Variants in CENPC observed in about 807,000 individuals in gnomAD.
CENPC encodes CENP-C 1.
A neutral mutation model predicts 112.1 loss-of-function variants in CENPC; 63 were observed. The ratio of observed to expected loss-of-function variants is 0.56; its 90% CI spans 0.46 to 0.69. The LOEUF (loss-of-function observed/expected upper bound fraction) is 0.69, where lower values mean the gene tolerates loss of function less well. Ranked by LOEUF, CENPC falls within the 30% of genes least tolerant of loss-of-function variation. The pLI is 0.00. For missense variants in CENPC, 1,000 were observed against 1,103.8 expected (o/e 0.91, Z 1.33); for synonymous variants, 333 against 367.6 (o/e 0.91, Z 1.08).
intron 13 of CENPC, 24 bp from the exon 14 acceptor site, chr4:67,494,012 G>T: frequency 6.7e-7 from 1 of 1,496,812 alleles, no homozygotes; most frequent in Non-Finnish European, 9.2e-7. Flanking sequence ...TCAGACAAAA[G>T]TGTATACATA....
chr4:67,482,012 T>C (rs1029705570), intron 17 of CENPC, among the ~76,000 whole-genome samples: 3 of 152,094 alleles, frequency 2.0e-5, no homozygotes, highest in African/African-American at 7.2e-5. Flanking sequence ...TCACAAACTG[T>C]CTGTGCAACA....
intron 17 of CENPC, among the ~76,000 whole-genome samples, chr4:67,475,313 GGCCATAT>G (rs1724773805): frequency 6.6e-6 from 1 of 152,320 alleles, no homozygotes; most frequent in South Asian, 2.1e-4. Context: ...AAAGATGTGG[GGCCATAT>G]GCCAAGAAAC....
intron 16 of CENPC, among the ~76,000 whole-genome samples, chr4:67,490,883 T>TATATATAGAAATATAG (rs1725240856): frequency 1.2e-4 from 1 of 8,432 alleles, no homozygotes; most frequent in Admixed American, 2.6e-3. Flanking sequence ...TATATAGAAA[T>TATATATAGAAATATAG]ATATAGAAAT....
intron 7 of CENPC, among the ~76,000 whole-genome samples, chr4:67,517,441 C>T (rs1246678941): frequency 1.3e-5 from 2 of 151,676 alleles, no homozygotes; most frequent in African/African-American, 2.4e-5. Context: ...GCATTACAGA[C>T]ATGAGCCACC....
chr4:67,514,986 ATAACTCAGATACAT>A (rs1726018161), intron 7 of CENPC, among the ~76,000 whole-genome samples: 1 of 147,922 alleles, frequency 6.8e-6, no homozygotes, highest in Non-Finnish European at 1.5e-5. Context: ...AGATATAATT[ATAACTCAGATACAT>A]TGACTCACAG....
intron 4 of CENPC, among the ~76,000 whole-genome samples, chr4:67,536,691 A>G (rs182618599): frequency 1.9e-3 from 283 of 152,096 alleles, no homozygotes; most frequent in African/African-American, 6.6e-3. Context: ...ACACCTACAA[A>G]GTCTCTGTTG....
In CENPC at chr4:67,544,211, A is replaced by G; in HGVS notation, c.19-16T>C. On this transcript the variant is annotated splice_polypyrimidine_tract_variant and intron_variant, in intron 1 of 18. Transcript: ENST00000273853. ...TGAGATGATCCTGAAAGAAAAGTAA[A>G]TCATCAATTTGGTTTCTTTAAGATA... 3 of 1,499,604 alleles carry G rather than the reference A, an allele frequency of 2.0e-6. No homozygotes were observed. The highest frequency in any genetic ancestry group is 2.8e-6 in the Non-Finnish European group (3 of 1,079,134). The allele number at this position is 1,499,604 out of a possible 1,614,324, so 92.9% of individuals were successfully genotyped here. A position where few individuals can be genotyped will look rare whatever the true frequency, so the allele number is the denominator to read the frequency against.
chr4:67,499,697 A>G (rs1245740146), intron 12 of CENPC, among the ~76,000 whole-genome samples: 1 of 152,174 alleles, frequency 6.6e-6, no homozygotes, highest in East Asian at 1.9e-4. Context: ...CTGTAGTAGC[A>G]CTTTTCTTTT....
intron 4 of CENPC, among the ~76,000 whole-genome samples, chr4:67,531,692 G>A (rs1323676422): frequency 6.6e-6 from 1 of 152,154 alleles, no homozygotes; most frequent in Non-Finnish European, 1.5e-5. Flanking sequence ...ACACGTTACT[G>A]CATTTCACTG....
At chr4:67,487,409 T>G (rs952851001) in intron 17 of CENPC, among the ~76,000 whole-genome samples, 5 of 151,638 alleles carry the variant, frequency 3.3e-5, no homozygotes, top group African/African-American at 1.2e-4. Flanking sequence ...AATACTCAAG[T>G]TTCATATCCT....
intron 5 of CENPC, among the ~76,000 whole-genome samples, chr4:67,530,600 A>G (rs1726518251): frequency 1.3e-5 from 2 of 152,184 alleles, no homozygotes; most frequent in Admixed American, 6.5e-5. Flanking sequence ...AAGTAGTAGC[A>G]TGTATCACTG....
intron 11 of CENPC, 120 bp from the exon 12 acceptor site, chr4:67,505,404 T>C: frequency 1.6e-6 from 1 of 645,044 alleles, no homozygotes; most frequent in Non-Finnish European, 2.7e-6. Context: ...AAACCAATAG[T>C]GATGTTACAA....
At chr4:67,520,667 A>G (rs1254644822) in intron 5 of CENPC, among the ~76,000 whole-genome samples, 5 of 152,160 alleles carry the variant, frequency 3.3e-5, no homozygotes, top group Non-Finnish European at 7.4e-5. Flanking sequence ...AGAACAAAAT[A>G]CCACTATTAC....
At chr4:67,504,544 G>A (rs922055068) in intron 12 of CENPC, among the ~76,000 whole-genome samples, 2 of 152,120 alleles carry the variant, frequency 1.3e-5, no homozygotes, top group African/African-American at 2.4e-5. Flanking sequence ...ACTGAAGGCC[G>A]GGAGTGGTGG....
Position 67,505,089 on chromosome 4 carries a change from G to C in CENPC, c.2131+116C>G. 2 of 704,518 alleles carry C rather than the reference G, an allele frequency of 2.8e-6. 1 individual carries two copies. The highest frequency in any genetic ancestry group is 6.3e-5 in the Admixed American group (2 of 31,502). The allele number at this position is 704,518 out of a possible 1,614,324, so 43.6% of individuals were successfully genotyped here. A position where few individuals can be genotyped will look rare whatever the true frequency, so the allele number is the denominator to read the frequency against. On this transcript the variant is annotated intron_variant, in intron 12 of 18. Transcript: ENST00000273853. ...ATTAATCTCTAACTAAGGGTCTTAA[G>C]AGGTAGGTACTCAATATACACTCGC...
chr4:67,526,415 A>C (rs1048834331), intron 5 of CENPC, among the ~76,000 whole-genome samples: 2 of 152,190 alleles, frequency 1.3e-5, no homozygotes, highest in African/African-American at 2.4e-5. Flanking sequence ...AGATGATTAG[A>C]AAAAATGGAC....
intron 12 of CENPC, among the ~76,000 whole-genome samples, chr4:67,496,119 A>C (rs911376903): frequency 2.0e-5 from 3 of 152,236 alleles, no homozygotes; most frequent in Non-Finnish European, 4.4e-5. Flanking sequence ...CAAGACTGCC[A>C]TGCTGTGAGG....
At position 67,514,180 on chromosome 4, in the gene CENPC, T is replaced by C; in HGVS notation, c.1338A>G (p.Thr446=). 2 of 1,612,784 alleles carry C rather than the reference T, an allele frequency of 1.2e-6. No individual in the cohort carries two copies. The highest frequency in any genetic ancestry group is 1.1e-5 in the South Asian group (1 of 90,932). The change falls in exon 8 of 19, where the codon ACA becomes ACG. Residue 446 remains threonine (T), a synonymous_variant. Coordinates refer to ENST00000273853, the MANE Select transcript of CENPC (RefSeq NM_001812.4). Reference sequence around the variant, plus strand: ...GAAATTCGTCTTGGGTAATATGTGATGTATGTATGTTTTCATCTTTAGACT... The same window carrying C: ...GAAATTCGTCTTGGGTAATATGTGACGTATGTATGTTTTCATCTTTAGACT... ...VGQSKDENIH[T]SHITQDEFQR...
chr4:67,526,122 C>T (rs1006914484), intron 5 of CENPC, among the ~76,000 whole-genome samples: 3 of 151,856 alleles, frequency 2.0e-5, no homozygotes, highest in African/African-American at 4.8e-5. Context: ...ACAATGAGAA[C>T]ATATGGACAC....
Sources: allele counts gnomAD v4.1 joint callset (sites outside exome capture counted in the v4.1 genomes callset), GRCh38; gene constraint gnomAD v4.1.1; transcripts MANE v1.5; gene names NCBI Gene and HGNC (gene_info 2026-07-23, HGNC 2026-07-21).